FBXO25: variants seen among roughly 807,000 people sequenced by gnomAD.
FBXO25 encodes the protein F-box only protein 25.
FBXO25 carries 45 observed loss-of-function variants against 51.9 expected under a neutral mutation model. The ratio of observed to expected loss-of-function variants is 0.87; its 90% CI spans 0.68 to 1.11. The LOEUF is 1.11. FBXO25 is among the 50% of genes most tolerant of loss of function. The probability of loss-of-function intolerance (pLI) is 0.00; values close to 1 mark genes in which losing one functional copy is unlikely to be tolerated. For synonymous variants in FBXO25, 199 were observed against 151.0 expected, an observed-to-expected ratio of 1.32 and a Z score of -2.33; for missense variants, 507 against 428.5, an observed-to-expected ratio of 1.18 and a Z score of -1.62.
At chr8:415,933 A>G (rs772686624) in intron 2 of FBXO25, among the ~76,000 whole-genome samples, 3 of 152,196 alleles carry the variant, frequency 2.0e-5, no homozygotes, top group Non-Finnish European at 2.9e-5. Flanking sequence ...CAGTATAACT[A>G]TAGGCGCTGT....
chr8:459,833 T>C (rs1799692159), intron 8 of FBXO25, among the ~76,000 whole-genome samples: 1 of 151,996 alleles, frequency 6.6e-6, no homozygotes. Flanking sequence ...CCCCAGAACC[T>C]GGGGGGAGCT....
At position 476,772 on chromosome 8, in the gene FBXO25, A is replaced by T. The variant is rs970149596; in HGVS notation, c.*7968A>T. On this transcript the variant is annotated 3_prime_UTR_variant, in exon 10 of 10. Coordinates refer to ENST00000350302, the MANE Select transcript of FBXO25 (RefSeq NM_183420.2). Reference sequence around the variant, plus strand: ...CTCTTGGTTTCATTTATTTTTCTCTATTGCTTTTCTGTTCTCTATTTTGTC... The same window carrying T: ...CTCTTGGTTTCATTTATTTTTCTCTTTTGCTTTTCTGTTCTCTATTTTGTC... The T allele has an allele frequency of 6.6e-6, 1 of 151,502 alleles. No homozygotes were observed. Among genetic ancestry groups the T allele is most frequent in the African/African-American group, 2.4e-5 (1 of 41,192 alleles). The allele number at this position is 151,502 out of a possible 1,614,324, so 9.4% of individuals were successfully genotyped here.
intron 7 of FBXO25, 111 bp downstream of exon 7, chr8:451,564 G>A: frequency 1.0e-6 from 1 of 1,000,698 alleles, no homozygotes; most frequent in Non-Finnish European, 1.5e-6. Context: ...ATTTTCTAAT[G>A]CTTTCATAAG....
At chr8:450,193 T>A in intron 6 of FBXO25, 110 bp downstream of exon 6, 2 of 628,176 alleles carry the variant, frequency 3.2e-6, no homozygotes. Flanking sequence ...TCAAAAACAA[T>A]TGTGTAAATA....
intron 9 of FBXO25, among the ~76,000 whole-genome samples, chr8:467,085 G>A (rs1461467978): frequency 6.6e-6 from 1 of 152,172 alleles, no homozygotes; most frequent in Non-Finnish European, 1.5e-5. Context: ...CCAAGATGAG[G>A]TGTCCATGGT....
At chr8:448,493 C>G (rs988904189) in intron 5 of FBXO25, among the ~76,000 whole-genome samples, 12 of 152,188 alleles carry the variant, frequency 7.9e-5, no homozygotes, top group African/African-American at 2.7e-4. Flanking sequence ...AATTTTATGT[C>G]CAGTCAAACC....
intron 2 of FBXO25, among the ~76,000 whole-genome samples, chr8:429,001 TG>T (rs1433676014): frequency 6.6e-6 from 1 of 152,350 alleles, no homozygotes; most frequent in South Asian, 2.1e-4. Flanking sequence ...GCTATGAACG[TG>T]GGCATACAAG....
intron 9 of FBXO25, chr8:468,117 TCATC>T (rs1280613178): frequency 6.6e-6 from 7 of 1,056,044 alleles, no homozygotes; most frequent in Admixed American, 5.1e-5. Flanking sequence ...CTGCCAGTCT[TCATC>T]CACAAAATTA....
chr8:430,050 A>G, intron 2 of FBXO25, among the ~76,000 whole-genome samples: 1 of 152,244 alleles, frequency 6.6e-6, no homozygotes, highest in East Asian at 1.9e-4. Flanking sequence ...GCTAAGCTGC[A>G]TGGAGTGTCC....
chr8:469,125 C>CT lies in FBXO25; in HGVS notation c.*321_*322insT. 4.0e-6 allele frequency: 1 copy of CT among 250,916 alleles called. No homozygotes were observed. Among genetic ancestry groups the CT allele is most frequent in the Non-Finnish European group, 7.5e-6 (1 of 133,662 alleles). The allele number at this position is 250,916 out of a possible 1,614,324, so 15.5% of individuals were successfully genotyped here. A position where few individuals can be genotyped will look rare whatever the true frequency, so the allele number is the denominator to read the frequency against. On this transcript the variant is annotated 3_prime_UTR_variant, in exon 10 of 10. Coordinates refer to ENST00000350302, the MANE Select transcript of FBXO25 (RefSeq NM_183420.2). ...AGCTCCACATTCTTTGTTGACGTGA[C>CT]ACTAACGGCCAATAATATGCTTCTT...
At chr8:447,262 G>C (rs924598748) in intron 5 of FBXO25, among the ~76,000 whole-genome samples, 2 of 152,122 alleles carry the variant, frequency 1.3e-5, no homozygotes, top group Non-Finnish European at 2.9e-5. Context: ...CATACATGCA[G>C]GTAGCGGCTG....
At chr8:464,615 C>A (rs114703496) in intron 9 of FBXO25, among the ~76,000 whole-genome samples, 1 of 152,152 alleles carries the variant, frequency 6.6e-6, no homozygotes, top group Non-Finnish European at 1.5e-5. Context: ...ATAGGTCATA[C>A]GGCAAACTCT....
intron 8 of FBXO25, among the ~76,000 whole-genome samples, chr8:460,497 G>A (rs533189848): frequency 1.1e-4 from 16 of 152,134 alleles, no homozygotes; most frequent in Non-Finnish European, 2.2e-4. Context: ...AGAAAGCTTA[G>A]ATAAGGAAGC....
intron 5 of FBXO25, among the ~76,000 whole-genome samples, chr8:446,346 T>A (rs1462658679): frequency 6.6e-6 from 1 of 152,126 alleles, no homozygotes; most frequent in Non-Finnish European, 1.5e-5. Context: ...TAAAAGATAT[T>A]TGTACATTTT....
In FBXO25 at chr8:468,695, C is replaced by CATCT. The variant is rs1196146746; in HGVS notation, c.988-19_988-16dup. On this transcript the variant is annotated intron_variant, in intron 9 of 9. Transcript: ENST00000350302. ...GCTGGTGGTGGGGCCCCCTCCTAAC[C>CATCT]ATCTCCCACCTCCCCACAGGACTCA... 1 of 1,609,572 alleles carries CATCT rather than the reference C, an allele frequency of 6.2e-7. No homozygotes were observed. Among genetic ancestry groups the CATCT allele is most frequent in the Non-Finnish European group, 8.5e-7 (1 of 1,177,204 alleles).
chr8:456,014 C>T (rs547741292), intron 7 of FBXO25, among the ~76,000 whole-genome samples: 5 of 152,220 alleles, frequency 3.3e-5, no homozygotes, highest in African/African-American at 7.2e-5. Flanking sequence ...TTTTTTTCTT[C>T]GTACTACCTT....
chr8:436,962 T>C (rs867250028), intron 5 of FBXO25, among the ~76,000 whole-genome samples: 3 of 152,166 alleles, frequency 2.0e-5, no homozygotes, highest in South Asian at 2.1e-4. Flanking sequence ...CTTTGGTCAC[T>C]GACTCTGGAG....
chr8:426,061 C>G, intron 2 of FBXO25, among the ~76,000 whole-genome samples: 1 of 152,168 alleles, frequency 6.6e-6, no homozygotes, highest in Non-Finnish European at 1.5e-5. Flanking sequence ...GGTGGTTGTT[C>G]TTTGTCTGCA....
chr8:408,979 A>C (rs1424707516), intron 1 of FBXO25, among the ~76,000 whole-genome samples: 1 of 152,214 alleles, frequency 6.6e-6, no homozygotes, highest in Non-Finnish European at 1.5e-5. Flanking sequence ...TTTAATTAAA[A>C]TAAGCGTATA....
Sources: gnomAD v4.1 joint callset for allele counts (sites outside exome capture counted in the v4.1 genomes callset) on GRCh38, gnomAD v4.1.1 for gene constraint, MANE v1.5 for transcripts, NCBI Gene and HGNC (gene_info 2026-07-23, HGNC 2026-07-21) for gene names.